The following SORBS2 variants were observed in gnomAD, a reference collection of about 807,000 sequenced individuals.
SORBS2 encodes sorbin and SH3 domain containing 2.
In SORBS2, 46 loss-of-function variants were observed where a neutral mutation model predicts 97.7. That is an observed-to-expected ratio of 0.47 (90% CI 0.37 to 0.60). The LOEUF is 0.60. Among genes scored for constraint, SORBS2 ranks in the 20% least tolerant of loss-of-function variants. SORBS2 has a pLI of 0.00. For synonymous variants in SORBS2, 476 were observed against 473.4 expected, an observed-to-expected ratio of 1.01 and a Z score of -0.07; for missense variants, 1,316 against 1,282.3, an observed-to-expected ratio of 1.03 and a Z score of -0.40.
chr4:185,942,498 C>T (rs988854293), intron 1 of SORBS2, among the ~76,000 whole-genome samples: 2 of 151,870 alleles, frequency 1.3e-5, no homozygotes, highest in East Asian at 3.9e-4. Context: ...TTACAGGTGC[C>T]CACCACCATG....
At chr4:185,898,623 C>G (rs11729474) in intron 1 of SORBS2, among the ~76,000 whole-genome samples, 1 of 151,920 alleles carries the variant, frequency 6.6e-6, no homozygotes, top group Non-Finnish European at 1.5e-5. Flanking sequence ...AACTAACTAG[C>G]GGCTACGTTG....
In SORBS2 at chr4:185,825,176, G is replaced by A. The variant is rs576715146; in HGVS notation, c.-337-49810C>T. On this transcript the variant is annotated intron_variant, in intron 1 of 20. Transcript: ENST00000284776. ...TCTCAGAGAATTATTAGGCACATGGGGAATATCTTTATTTGTTCATTTTGT... is the reference window on the plus strand; with the variant it reads ...TCTCAGAGAATTATTAGGCACATGGAGAATATCTTTATTTGTTCATTTTGT... Among the ~76,000 whole-genome samples the A allele has an allele frequency of 4.7e-4, 71 of 151,010 alleles. 1 individual carries two copies. The Middle Eastern group carries it at 0.017, about 36-fold the overall frequency.
chr4:185,814,760 C>T (rs903311355), intron 1 of SORBS2, among the ~76,000 whole-genome samples: 2 of 152,194 alleles, frequency 1.3e-5, no homozygotes, highest in South Asian at 2.1e-4. Flanking sequence ...CTCTTTGCCC[C>T]GTGGCACGTC....
intron 1 of SORBS2, among the ~76,000 whole-genome samples, chr4:185,926,145 G>C (rs2099263560): frequency 6.6e-6 from 1 of 152,228 alleles, no homozygotes; most frequent in Admixed American, 6.5e-5. Flanking sequence ...GGGATCTCAC[G>C]TGAAACAAAT....
intron 1 of SORBS2, among the ~76,000 whole-genome samples, chr4:185,889,490 T>C (rs143774167): frequency 6.6e-6 from 1 of 152,282 alleles, no homozygotes; most frequent in East Asian, 1.9e-4. Flanking sequence ...GAAGTCCAGT[T>C]ACTGCTTCTG....
chr4:185,828,440 G>A (rs769638666), intron 1 of SORBS2, among the ~76,000 whole-genome samples: 15 of 151,686 alleles, frequency 9.9e-5, no homozygotes, highest in Non-Finnish European at 1.6e-4. Context: ...GAGAGATGAG[G>A]GATTGTAGCA....
chr4:185,942,614 G>A (rs1321660011), intron 1 of SORBS2, among the ~76,000 whole-genome samples: 1 of 152,140 alleles, frequency 6.6e-6, no homozygotes, highest in Non-Finnish European at 1.5e-5. Context: ...CTCCCAAAGT[G>A]CTGGGATTAT....
chr4:185,833,478 G>A (rs1410334360), intron 1 of SORBS2, among the ~76,000 whole-genome samples: 2 of 152,116 alleles, frequency 1.3e-5, no homozygotes, highest in Non-Finnish European at 2.9e-5. Flanking sequence ...AACCAGTTAA[G>A]CAATTAGTGC....
At chr4:185,600,805 A>G (rs1328337554) in intron 12 of SORBS2, among the ~76,000 whole-genome samples, 1 of 148,770 alleles carries the variant, frequency 6.7e-6, no homozygotes, top group Non-Finnish European at 1.5e-5. Flanking sequence ...TTGGAGGCAA[A>G]ATTTTCTAAC....
chr4:185,639,665 G>A (rs1317398542), intron 4 of SORBS2, among the ~76,000 whole-genome samples: 4 of 152,124 alleles, frequency 2.6e-5, no homozygotes, highest in Non-Finnish European at 5.9e-5. Context: ...CTAATTAAAT[G>A]TGGTACAATT....
At chr4:185,833,322 T>C (rs2099206158) in intron 1 of SORBS2, among the ~76,000 whole-genome samples, 1 of 152,210 alleles carries the variant, frequency 6.6e-6, no homozygotes, top group African/African-American at 2.4e-5. Context: ...CCTTTGTTTC[T>C]AAAAGTCCAG....
intron 1 of SORBS2, among the ~76,000 whole-genome samples, chr4:185,874,854 C>T (rs531056824): frequency 2.6e-4 from 26 of 99,984 alleles, no homozygotes; most frequent in African/African-American, 8.1e-4. Context: ...TTTACCTTAC[C>T]CTGATTTTTT....
At chr4:185,723,973 C>T (rs1271343937) in intron 2 of SORBS2, among the ~76,000 whole-genome samples, 1 of 152,220 alleles carries the variant, frequency 6.6e-6, no homozygotes, top group Non-Finnish European at 1.5e-5. Flanking sequence ...AGCAACCCTT[C>T]TCAGTGTTTT....
chr4:185,667,687 G>GATATATATAT (rs887494705), intron 4 of SORBS2, among the ~76,000 whole-genome samples: 37 of 7,124 alleles, frequency 5.2e-3, no homozygotes, highest in African/African-American at 5.9e-3. Flanking sequence ...TTTTAAATGT[G>GATATATATAT]ATATATATAT....
chr4:185,706,899 A>T (rs1272237347), intron 2 of SORBS2, among the ~76,000 whole-genome samples: 1 of 152,228 alleles, frequency 6.6e-6, no homozygotes, highest in African/African-American at 2.4e-5. Flanking sequence ...CATTTTGTAC[A>T]TCCACTTCCT....
intron 1 of SORBS2, among the ~76,000 whole-genome samples, chr4:185,919,671 C>T (rs1245071657): frequency 1.3e-5 from 2 of 152,226 alleles, no homozygotes; most frequent in Non-Finnish European, 2.9e-5. Context: ...ACTTGACACA[C>T]ACATGCAATT....
rs1049290382 is a variant in SORBS2, at chr4:185,836,952, A to T, written c.-337-61586T>A. ...TCACAAAGATAGCTAAGCTGCCTCG[A>T]ATTCTAAAGTTGTATGGTGTTTCTG... is the stretch of plus-strand genomic sequence containing the variant. On this transcript the variant is annotated intron_variant, in intron 1 of 20. Coordinates refer to the SORBS2 transcript ENST00000284776. 2.0e-5 allele frequency among the ~76,000 whole-genome samples: 3 copies of T among 152,310 alleles called. No individual in the cohort carries two copies. In the East Asian group the frequency reaches 5.8e-4, roughly 29 times the overall value.
At chr4:185,653,945 T>C (rs1434264683) in intron 1 of SORBS2, among the ~76,000 whole-genome samples, 1 of 152,208 alleles carries the variant, frequency 6.6e-6, no homozygotes, top group Non-Finnish European at 1.5e-5. Context: ...TTCTTATACT[T>C]ACTAGACTGA....
Position 185,667,784 on chromosome 4 carries a change from C to G in SORBS2, c.-45-5542G>C, listed in dbSNP as rs140779947. On this transcript the variant is annotated intron_variant, in intron 4 of 20. Coordinates refer to the SORBS2 transcript ENST00000284776. Reference sequence around the variant, plus strand: ...ATAACTGACAGAAATCTTAGTTACCCAGAACTTAAAATGTTTTGGTGGGGA... The same window carrying G: ...ATAACTGACAGAAATCTTAGTTACCGAGAACTTAAAATGTTTTGGTGGGGA... Among the ~76,000 whole-genome samples the G allele has an allele frequency of 8.6e-4, 129 of 150,122 alleles. 1 individual carries two copies. Among genetic ancestry groups the G allele is most frequent in the Admixed American group, 7.2e-3 (109 of 15,068 alleles).
Sources: allele counts gnomAD v4.1 joint callset (sites outside exome capture counted in the v4.1 genomes callset), GRCh38; gene constraint gnomAD v4.1.1; transcripts MANE v1.5; gene names NCBI Gene and HGNC (gene_info 2026-07-23, HGNC 2026-07-21).